Variants in XYLT1 observed in about 807,000 individuals in gnomAD.
The protein encoded by XYLT1 is beta-D-xylosyltransferase 1.
In XYLT1, 36 loss-of-function variants were observed where a neutral mutation model predicts 91.3. The ratio of observed to expected loss-of-function variants is 0.39; its 90% confidence interval spans 0.30 to 0.52. The LOEUF (loss-of-function observed/expected upper bound fraction) is 0.52. XYLT1 is among the 20% of genes least tolerant of loss of function. The probability of loss-of-function intolerance (pLI) is 0.68; values close to 1 mark genes in which losing one functional copy is unlikely to be tolerated. For missense variants in XYLT1, 1,242 were observed against 1,284.5 expected (o/e 0.97, Z 0.51); for synonymous variants, 588 against 532.0 (o/e 1.11, Z -1.45).
At chr16:17,367,020 G>A (rs2035463513) in intron 1 of XYLT1, among the ~76,000 whole-genome samples, 2 of 151,824 alleles carry the variant, frequency 1.3e-5, no homozygotes, top group African/African-American at 2.4e-5. Flanking sequence ...TCATTTCCTT[G>A]CTGCGAGTCT....
At chr16:17,111,419 A>T (rs1966840602) in intron 11 of XYLT1, among the ~76,000 whole-genome samples, 1 of 152,170 alleles carries the variant, frequency 6.6e-6, no homozygotes, top group Non-Finnish European at 1.5e-5. Flanking sequence ...AGGCTGGCCA[A>T]TGAGTCTGGT....
At position 17,138,499 on chromosome 16, in the gene XYLT1, G is replaced by A. The variant is rs1297098122; in HGVS notation, c.1620C>T (p.Pro540=). The A allele has an allele frequency of 1.9e-6, 3 of 1,613,862 alleles. No homozygotes were observed. Among genetic ancestry groups the A allele is most frequent in the East Asian group, 2.2e-5 (1 of 44,734 alleles). The change falls in exon 8 of 12, where the codon CCC becomes CCT. Residue 540 remains proline (P), a synonymous_variant. Transcript: ENST00000261381. ...TGTTGTCCACCATGGTGTCGCAGTG[G>A]GGGCTGTTCTCCAGGACCGTATGGA... The part of the protein sequence containing the change: ...SFFHTVLENS[P]HCDTMVDNNL...
intron 11 of XYLT1, among the ~76,000 whole-genome samples, chr16:17,117,424 T>C (rs1270251570): frequency 1.3e-5 from 2 of 152,150 alleles, no homozygotes; most frequent in Non-Finnish European, 2.9e-5. Context: ...GTCTAACAAA[T>C]AGCTACCTAA....
At chr16:17,450,506 AC>A (rs2141950113) in intron 1 of XYLT1, among the ~76,000 whole-genome samples, 1 of 152,346 alleles carries the variant, frequency 6.6e-6, no homozygotes, top group East Asian at 1.9e-4. Flanking sequence ...TGGGTCACAC[AC>A]ACGGCTGGAA....
chr16:17,151,228 C>A (rs1196211117), intron 6 of XYLT1, among the ~76,000 whole-genome samples: 1 of 152,116 alleles, frequency 6.6e-6, no homozygotes, highest in East Asian at 1.9e-4. Context: ...GAGTTTGAGA[C>A]CAGCCTGGAC....
rs138989797 is a variant in XYLT1, at chr16:17,189,593, C to A, written c.1289+8619G>T. ...GTATATTGACTGATAATTGGATAAACAGATTGTGGTACAAGTATATCAACA... is the reference window on the plus strand; with the variant it reads ...GTATATTGACTGATAATTGGATAAAAAGATTGTGGTACAAGTATATCAACA... On this transcript the variant is annotated intron_variant, in intron 5 of 11. Transcript: ENST00000261381. 4.1e-4 allele frequency among the ~76,000 whole-genome samples: 62 copies of A among 152,304 alleles called. 1 individual carries two copies. The highest frequency in any genetic ancestry group is 1.4e-3 in the African/African-American group (59 of 41,568).
At position 17,207,052 on chromosome 16, in the gene XYLT1, CTTTTTTTTT is replaced by C. The variant is rs1211378641; in HGVS notation, c.914-6407_914-6399del. On this transcript the variant is annotated intron_variant, in intron 3 of 11. Coordinates refer to ENST00000261381, the MANE Select transcript of XYLT1 (RefSeq NM_022166.4). ...GAGTCAGGTTGGTTTTCTTTTCTTT[CTTTTTTTTT>C]TTTTTTTTTTTTTGAGACAGAGTTT... Among the ~76,000 whole-genome samples the C allele has an allele frequency of 1.2e-4, 15 of 121,074 alleles. No individual in the cohort carries two copies. The East Asian group carries it at 2.1e-3, about 17-fold the overall frequency. The allele number at this position is 121,074 out of a possible 152,430, so 79.4% of individuals were successfully genotyped here. A position where few individuals can be genotyped will look rare whatever the true frequency, so the allele number is the denominator to read the frequency against.
At chr16:17,436,491 A>G (rs116014690) in intron 1 of XYLT1, among the ~76,000 whole-genome samples, 3,049 of 152,314 alleles carry the variant, frequency 0.02, 90 homozygotes, top group African/African-American at 0.069. Flanking sequence ...TGGATGGCAC[A>G]TAGTATGGGC....
chr16:17,105,804 C>G lies in XYLT1; in HGVS notation c.*2891G>C, dbSNP rs1966766472. ...ACAGCCCAAGCTCCAGGCTGTCTGA[C>G]CAATGGCCTCCAACAAATAAATAAA... is the stretch of plus-strand genomic sequence containing the variant. On this transcript the variant is annotated 3_prime_UTR_variant, in exon 12 of 12. Transcript: ENST00000261381. The G allele has an allele frequency of 6.6e-6, 1 of 152,074 alleles. No homozygotes were observed. Among genetic ancestry groups the G allele is most frequent in the African/African-American group, 2.4e-5 (1 of 41,398 alleles). 9.4% of individuals were successfully genotyped at this position (152,074 alleles called of 1,614,324 possible). A position where few individuals can be genotyped will look rare whatever the true frequency, so the allele number is the denominator to read the frequency against.
intron 2 of XYLT1, among the ~76,000 whole-genome samples, chr16:17,337,588 T>C (rs951325928): frequency 3.3e-5 from 5 of 152,124 alleles, no homozygotes; most frequent in African/African-American, 1.2e-4. Context: ...CTTGGTTACC[T>C]GGGAAAATGG....
chr16:17,393,808 C>T (rs1310939084), intron 1 of XYLT1, among the ~76,000 whole-genome samples: 2 of 151,942 alleles, frequency 1.3e-5, no homozygotes, highest in Non-Finnish European at 2.9e-5. Context: ...TGGAGCCTTG[C>T]TCTGTCGCCC....
At chr16:17,288,577 T>A in intron 2 of XYLT1, among the ~76,000 whole-genome samples, 1 of 152,166 alleles carries the variant, frequency 6.6e-6, no homozygotes, top group Non-Finnish European at 1.5e-5. Context: ...TGAGATGACT[T>A]GTCCATACCT....
intron 1 of XYLT1, among the ~76,000 whole-genome samples, chr16:17,382,870 G>A (rs973343388): frequency 7.2e-5 from 11 of 151,820 alleles, no homozygotes; most frequent in African/African-American, 2.7e-4. Flanking sequence ...CCATTACCCA[G>A]GTGAGGAAAC....
intron 1 of XYLT1, among the ~76,000 whole-genome samples, chr16:17,457,997 TAC>T (rs2036766899): frequency 6.6e-6 from 1 of 152,242 alleles, no homozygotes; most frequent in African/African-American, 2.4e-5. Flanking sequence ...ACTGTTGTAT[TAC>T]TTGATCCATC....
rs1158914956 is a variant in XYLT1, at chr16:17,447,981, CA to C, written c.363+22452del. Among the ~76,000 whole-genome samples, 8 of 152,156 alleles carry C rather than the reference CA, an allele frequency of 5.3e-5. No homozygotes were observed. In the East Asian group the frequency reaches 1.5e-3, roughly 29 times the overall value. ...TCATTGATTGAATAACAATTTGGGGCAAAAGGGTGTGTGCTGAAACATTAAG... is the reference window on the plus strand; with the variant it reads ...TCATTGATTGAATAACAATTTGGGGCAAAGGGTGTGTGCTGAAACATTAAG... On this transcript the variant is annotated intron_variant, in intron 1 of 11. Coordinates refer to ENST00000261381, the MANE Select transcript of XYLT1 (RefSeq NM_022166.4).
chr16:17,299,901 A>G (rs1047243788), intron 2 of XYLT1, among the ~76,000 whole-genome samples: 4 of 152,016 alleles, frequency 2.6e-5, no homozygotes, highest in Admixed American at 2.6e-4. Flanking sequence ...TTTATTAACG[A>G]CCCTTTTTCA....
chr16:17,293,202 T>G (rs2034256767), intron 2 of XYLT1, among the ~76,000 whole-genome samples: 1 of 152,030 alleles, frequency 6.6e-6, no homozygotes, highest in Non-Finnish European at 1.5e-5. Context: ...TCCTGGAAGG[T>G]TGGGAGGGGA....
At chr16:17,455,851 C>G (rs911505496) in intron 1 of XYLT1, among the ~76,000 whole-genome samples, 5 of 152,202 alleles carry the variant, frequency 3.3e-5, no homozygotes, top group African/African-American at 1.2e-4. Flanking sequence ...GGCCTTCAAC[C>G]TACAGCAAAA....
intron 2 of XYLT1, among the ~76,000 whole-genome samples, chr16:17,316,075 G>A (rs1433752838): frequency 6.6e-6 from 1 of 152,156 alleles, no homozygotes; most frequent in Non-Finnish European, 1.5e-5. Flanking sequence ...TGGCCACACT[G>A]CCTCCACCTT....
Sources: gnomAD v4.1 joint callset for allele counts (sites outside exome capture counted in the v4.1 genomes callset) on GRCh38, gnomAD v4.1.1 for gene constraint, MANE v1.5 for transcripts, NCBI Gene and HGNC (gene_info 2026-07-23, HGNC 2026-07-21) for gene names.